UBE2W: variants seen among roughly 807,000 people sequenced by gnomAD.
UBE2W encodes ubiquitin conjugating enzyme E2 W, also known as ubiquitin-conjugating enzyme E2 W.
UBE2W carries 18 observed loss-of-function variants against 27.2 expected under a neutral mutation model. That is an observed-to-expected ratio of 0.66 (90% CI 0.46 to 0.98). The LOEUF (loss-of-function observed/expected upper bound fraction) is 0.98, where lower values mean the gene tolerates loss of function less well. Ranked by LOEUF, UBE2W falls within the 50% of genes least tolerant of loss-of-function variation. The probability of loss-of-function intolerance (pLI) is 0.00; values close to 1 mark genes in which losing one functional copy is unlikely to be tolerated. For synonymous variants in UBE2W, 53 were observed against 57.2 expected (o/e 0.93, Z 0.33); for missense variants, 90 against 180.2 (o/e 0.50, Z 2.87).
intron 1 of UBE2W, among the ~76,000 whole-genome samples, chr8:73,848,064 C>T (rs183863878): frequency 5.4e-5 from 8 of 148,138 alleles, no homozygotes; most frequent in African/African-American, 1.2e-4. Context: ...AGCTGGGTGT[C>T]GTGGCGCATG....
Position 73,786,319 on chromosome 8 carries a change from GAT to G in UBE2W, c.*7781_*7782del, listed in dbSNP as rs112032543. 5 of 985,298 alleles carry G rather than the reference GAT, an allele frequency of 5.1e-6. No homozygotes were observed. Among genetic ancestry groups the G allele is most frequent in the Admixed American group, 6.2e-5 (1 of 16,256 alleles). The allele number at this position is 985,298 out of a possible 1,614,324, so 61.0% of individuals were successfully genotyped here. A position where few individuals can be genotyped will look rare whatever the true frequency, so the allele number is the denominator to read the frequency against. ...ACATTTTACTCAGGTGGTGGTTCTG[GAT>G]ATATGTTTCAAAATAGCTAGCACCT... On this transcript the variant is annotated 3_prime_UTR_variant, in exon 6 of 6. Coordinates refer to ENST00000602593, the MANE Select transcript of UBE2W (RefSeq NM_018299.6).
At position 73,788,230 on chromosome 8, in the gene UBE2W, CAT is replaced by C. The variant is rs561333915; in HGVS notation, c.*5870_*5871del. The C allele has an allele frequency of 1.0e-4, 96 of 942,100 alleles. No homozygotes were observed. In the African/African-American group the frequency reaches 1.5e-3, roughly 14 times the overall value. 58.4% of individuals were successfully genotyped at this position (942,100 alleles called of 1,614,324 possible). On this transcript the variant is annotated 3_prime_UTR_variant, in exon 6 of 6. Coordinates refer to ENST00000602593, the MANE Select transcript of UBE2W (RefSeq NM_018299.6). ...GATACATGTATTAAAAAATATATAA[CAT>C]AGATTTGTCTGTTTTAACATTTATA...
At chr8:73,847,494 T>C (rs1186065673) in intron 1 of UBE2W, among the ~76,000 whole-genome samples, 2 of 152,190 alleles carry the variant, frequency 1.3e-5, no homozygotes, top group African/African-American at 4.8e-5. Context: ...TTCCAAGGTA[T>C]ACCCAGCATA....
chr8:73,791,506 T>A lies in UBE2W; in HGVS notation c.*2596A>T. On this transcript the variant is annotated 3_prime_UTR_variant, in exon 6 of 6. Coordinates refer to ENST00000602593, the MANE Select transcript of UBE2W (RefSeq NM_018299.6). ...TGCAGGGAGGAGGCAAGTAGCATAT[T>A]CCTATATACATTTTCTTGATATTCT... 5 of 985,290 alleles carry A rather than the reference T, an allele frequency of 5.1e-6. No individual in the cohort carries two copies. Among genetic ancestry groups the A allele is most frequent in the Non-Finnish European group, 4.8e-6 (4 of 829,814 alleles). The allele number at this position is 985,290 out of a possible 1,614,324, so 61.0% of individuals were successfully genotyped here. A position where few individuals can be genotyped will look rare whatever the true frequency, so the allele number is the denominator to read the frequency against.
intron 1 of UBE2W, among the ~76,000 whole-genome samples, chr8:73,840,267 G>A (rs1418262191): frequency 6.6e-6 from 1 of 151,652 alleles, no homozygotes; most frequent in Non-Finnish European, 1.5e-5. Flanking sequence ...CATGTTAGCC[G>A]GGATGGTCTC....
intron 1 of UBE2W, among the ~76,000 whole-genome samples, chr8:73,869,173 C>G (rs1272093616): frequency 6.6e-6 from 1 of 152,162 alleles, no homozygotes; most frequent in African/African-American, 2.4e-5. Flanking sequence ...GGCCAGTCAT[C>G]GCAACACTTT....
intron 1 of UBE2W, among the ~76,000 whole-genome samples, chr8:73,854,993 G>C (rs1015336176): frequency 6.6e-6 from 1 of 152,214 alleles, no homozygotes; most frequent in African/African-American, 2.4e-5. Context: ...TATGTCATCT[G>C]TTTATAAGAT....
intron 1 of UBE2W, among the ~76,000 whole-genome samples, chr8:73,856,357 ATTTTTTTT>A (rs34593904): frequency 1.0e-4 from 9 of 89,366 alleles, no homozygotes; most frequent in African/African-American, 3.1e-4. Flanking sequence ...ACACTTATGA[ATTTTTTTT>A]TTTTTTTTTT....
intron 5 of UBE2W, among the ~76,000 whole-genome samples, chr8:73,801,642 T>C (rs1228167614): frequency 6.6e-6 from 1 of 152,238 alleles, no homozygotes; most frequent in Non-Finnish European, 1.5e-5. Flanking sequence ...GAACTCACTA[T>C]AGTAAGATAA....
intron 1 of UBE2W, among the ~76,000 whole-genome samples, chr8:73,847,480 T>A (rs1428978225): frequency 6.6e-6 from 1 of 152,146 alleles, no homozygotes; most frequent in Non-Finnish European, 1.5e-5. Flanking sequence ...ACCCACCAAT[T>A]CCATTCCAAG....
At chr8:73,823,735 G>C (rs1809716055) in intron 3 of UBE2W, among the ~76,000 whole-genome samples, 1 of 152,126 alleles carries the variant, frequency 6.6e-6, no homozygotes, top group Non-Finnish European at 1.5e-5. Flanking sequence ...ATAAAAATAA[G>C]TCCTAAAAGT....
chr8:73,816,792 G>A (rs986500104), intron 3 of UBE2W, among the ~76,000 whole-genome samples: 2 of 152,232 alleles, frequency 1.3e-5, no homozygotes, highest in African/African-American at 4.8e-5. Flanking sequence ...CAGCAGTTTG[G>A]GAGGCCGAGG....
At chr8:73,813,219 A>T (rs928226112) in intron 3 of UBE2W, among the ~76,000 whole-genome samples, 1 of 152,108 alleles carries the variant, frequency 6.6e-6, no homozygotes, top group South Asian at 2.1e-4. Flanking sequence ...TCAGAGCACA[A>T]GGAGAACAGT....
At position 73,788,060 on chromosome 8, in the gene UBE2W, C is replaced by T; in HGVS notation, c.*6042G>A. 1 of 985,244 alleles carries T rather than the reference C, an allele frequency of 1.0e-6. No homozygotes were observed. Among genetic ancestry groups the T allele is most frequent in the Non-Finnish European group, 1.2e-6 (1 of 829,820 alleles). The allele number at this position is 985,244 out of a possible 1,614,324, so 61.0% of individuals were successfully genotyped here. ...GTGAAGAGAAACTACTGTACAAATACTTTTACGTCATAAACCAAAAAGAGG... is the reference window on the plus strand; with the variant it reads ...GTGAAGAGAAACTACTGTACAAATATTTTTACGTCATAAACCAAAAAGAGG... On this transcript the variant is annotated 3_prime_UTR_variant, in exon 6 of 6. Coordinates refer to ENST00000602593, the MANE Select transcript of UBE2W (RefSeq NM_018299.6).
At chr8:73,824,385 C>T (rs1212675340) in intron 3 of UBE2W, among the ~76,000 whole-genome samples, 1 of 152,210 alleles carries the variant, frequency 6.6e-6, no homozygotes, top group African/African-American at 2.4e-5. Context: ...TGATGATGTA[C>T]TCTGCCCTTC....
chr8:73,852,914 A>C (rs574385112), intron 1 of UBE2W, among the ~76,000 whole-genome samples: 67 of 152,344 alleles, frequency 4.4e-4, no homozygotes, highest in Non-Finnish European at 8.8e-4. Context: ...AGCAAAATGC[A>C]AACTTTAAGA....
At chr8:73,813,205 C>A (rs1451295584) in intron 3 of UBE2W, among the ~76,000 whole-genome samples, 1 of 151,558 alleles carries the variant, frequency 6.6e-6, no homozygotes, top group African/African-American at 2.4e-5. Flanking sequence ...TTCACCCAGC[C>A]AATTCAGAGC....
intron 3 of UBE2W, among the ~76,000 whole-genome samples, chr8:73,813,756 T>C (rs1047667529): frequency 4.9e-4 from 75 of 152,276 alleles, no homozygotes; most frequent in African/African-American, 1.8e-3. Flanking sequence ...GATGGTTTTT[T>C]TTTTTTCTTT....
intron 3 of UBE2W, among the ~76,000 whole-genome samples, chr8:73,812,527 G>C (rs1355390724): frequency 6.6e-6 from 1 of 152,072 alleles, no homozygotes; most frequent in African/African-American, 2.4e-5. Context: ...ATGAACTATA[G>C]TTTATTACAT....
Sources: allele counts gnomAD v4.1 joint callset (sites outside exome capture counted in the v4.1 genomes callset), GRCh38; gene constraint gnomAD v4.1.1; transcripts MANE v1.5; gene names NCBI Gene and HGNC (gene_info 2026-07-23, HGNC 2026-07-21).